NCOR1: variants seen among roughly 807,000 people sequenced by gnomAD.
NCOR1 encodes protein phosphatase 1, regulatory subunit 109.
Under a neutral mutation model 288.1 loss-of-function variants are expected in NCOR1, and 63 were observed. The observed-to-expected ratio is 0.22, with a 90% confidence interval of 0.18 to 0.27. The LOEUF (loss-of-function observed/expected upper bound fraction) is 0.27. NCOR1 is among the 10% of genes least tolerant of loss of function. NCOR1 has a pLI of 1.00. For missense variants in NCOR1, 2,397 were observed against 3,019.2 expected, an observed-to-expected ratio of 0.79 and a Z score of 4.83; for synonymous variants, 1,007 against 1,065.9, an observed-to-expected ratio of 0.94 and a Z score of 1.08.
Position 16,168,864 on chromosome 17 carries a change from G to A in NCOR1, c.435+2939C>T, listed in dbSNP as rs138840545. On this transcript the variant is annotated intron_variant, in intron 4 of 45. Transcript: ENST00000268712. ...CGTGCGCCTGTAGTCCCAGCTACTC[G>A]GGAGGCTGAGGCAGGAGAATTGCTG... 7.6e-4 allele frequency among the ~76,000 whole-genome samples: 116 copies of A among 151,716 alleles called. 2 individuals carry two copies. The East Asian group carries it at 0.019, about 25-fold the overall frequency.
At chr17:16,178,997 G>A (rs989289411) in intron 3 of NCOR1, among the ~76,000 whole-genome samples, 15 of 151,982 alleles carry the variant, frequency 9.9e-5, no homozygotes, top group African/African-American at 3.1e-4. Flanking sequence ...CCAGCTAATC[G>A]GAGGCTGAGG....
At chr17:16,158,356 C>T (rs952466345) in intron 6 of NCOR1, among the ~76,000 whole-genome samples, 1 of 152,162 alleles carries the variant, frequency 6.6e-6, no homozygotes, top group Non-Finnish European at 1.5e-5. Context: ...TTTCCACATG[C>T]AATGACCTAT....
At chr17:16,203,574 G>C (rs2091131340) in intron 1 of NCOR1, among the ~76,000 whole-genome samples, 1 of 152,004 alleles carries the variant, frequency 6.6e-6, no homozygotes. Context: ...CACCCTTTTT[G>C]TTCCTTTATA....
chr17:16,187,662 G>C (rs1209186209), intron 2 of NCOR1, among the ~76,000 whole-genome samples: 1 of 151,884 alleles, frequency 6.6e-6, no homozygotes, highest in African/African-American at 2.4e-5. Flanking sequence ...CCAACACTTT[G>C]GGGAGGCCAA....
At chr17:16,119,546 C>A (rs2153137084) in intron 16 of NCOR1, 61 bp from the exon 17 acceptor site, 3 of 1,122,722 alleles carry the variant, frequency 2.7e-6, no homozygotes, top group South Asian at 2.9e-5. Context: ...TTTATTCAAA[C>A]CAATCATATA....
intron 2 of NCOR1, among the ~76,000 whole-genome samples, chr17:16,193,405 G>A (rs372569857): frequency 1.3e-5 from 2 of 151,734 alleles, no homozygotes; most frequent in Non-Finnish European, 1.5e-5. Context: ...TACTTTTTTC[G>A]TATTTTTAGT....
intron 19 of NCOR1, 102 bp from the exon 20 acceptor site, chr17:16,101,859 T>A: frequency 5.0e-6 from 7 of 1,414,140 alleles, no homozygotes; most frequent in Middle Eastern, 2.1e-4. Flanking sequence ...TTTCAGGTGG[T>A]GATAGAAACC....
chr17:16,045,093 T>C, intron 42 of NCOR1: 1 of 324,792 alleles, frequency 3.1e-6, no homozygotes, highest in Non-Finnish European at 5.8e-6. Context: ...GGGGGATAGT[T>C]AGTACAAGTG....
chr17:16,094,674 C>G (rs1418178311), intron 21 of NCOR1, among the ~76,000 whole-genome samples: 1 of 152,276 alleles, frequency 6.6e-6, no homozygotes, highest in Non-Finnish European at 1.5e-5. Context: ...GCCTGATTCT[C>G]CTGCCTCAGC....
In NCOR1 at chr17:16,194,606, A is replaced by T; in HGVS notation, c.-37T>A. 7.8e-7 allele frequency: 1 copy of T among 1,285,248 alleles called. No individual in the cohort carries two copies. Among genetic ancestry groups the T allele is most frequent in the Admixed American group, 1.9e-5 (1 of 51,674 alleles). The allele number at this position is 1,285,248 out of a possible 1,614,324, so 79.6% of individuals were successfully genotyped here. Reference sequence around the variant, plus strand: ...AAGTCCTCACCAGACTGTGAGATCAATGCCAATAAACAATCATGTTTCTAG... The same window carrying T: ...AAGTCCTCACCAGACTGTGAGATCATTGCCAATAAACAATCATGTTTCTAG... On this transcript the variant is annotated 5_prime_UTR_variant, in exon 2 of 46. The change creates a new upstream start codon in the 5' untranslated region. Coordinates refer to ENST00000268712, the MANE Select transcript of NCOR1 (RefSeq NM_006311.4).
Position 16,071,487 on chromosome 17 carries a change from A to G in NCOR1, c.4074T>C (p.Asp1358=), listed in dbSNP as rs1241771952. Reference sequence around the variant, plus strand: ...TTTTCCGACTTTCCTGAGTTAAAATATCTTGCCTTGGAATCTCATGAATGG... The same window carrying G: ...TTTTCCGACTTTCCTGAGTTAAAATGTCTTGCCTTGGAATCTCATGAATGG... ...GRSIHEIPRQ[D]ILTQESRKTP... is the part of the protein sequence containing the mutation. Residue 1358 remains aspartate (D), a synonymous_variant, in exon 30 of 46, where the codon GAT becomes GAC. Transcript: ENST00000268712. 6 of 1,614,066 alleles carry G rather than the reference A, an allele frequency of 3.7e-6. No homozygotes were observed. The highest frequency in any genetic ancestry group is 5.1e-6 in the Non-Finnish European group (6 of 1,180,040).
At chr17:16,187,698 G>C (rs1027103332) in intron 2 of NCOR1, among the ~76,000 whole-genome samples, 2 of 151,834 alleles carry the variant, frequency 1.3e-5, no homozygotes, top group Non-Finnish European at 2.9e-5. Flanking sequence ...TGACCCCACA[G>C]ATTCAAGACT....
At chr17:16,092,700 T>TA (rs2065616123) in intron 21 of NCOR1, among the ~76,000 whole-genome samples, 7 of 41,526 alleles carry the variant, frequency 1.7e-4, no homozygotes, top group Non-Finnish European at 1.3e-4. Context: ...TATATATTTT[T>TA]TTTTTTTTTT....
chr17:16,128,791 CT>C (rs200781389), intron 14 of NCOR1, among the ~76,000 whole-genome samples: 1,683 of 152,260 alleles, frequency 0.011, 37 homozygotes, highest in African/African-American at 0.038. Context: ...CAACACTTAG[CT>C]TTTTCCTTAA....
intron 14 of NCOR1, among the ~76,000 whole-genome samples, chr17:16,133,530 T>A (rs940176358): frequency 1.1e-4 from 17 of 152,178 alleles, no homozygotes; most frequent in African/African-American, 3.9e-4. Context: ...CAGGGTAAAA[T>A]CAAGGGAGTT....
At chr17:16,060,893 T>C (rs2060484675) in intron 37 of NCOR1, among the ~76,000 whole-genome samples, 1 of 152,252 alleles carries the variant, frequency 6.6e-6, no homozygotes, top group Non-Finnish European at 1.5e-5. Flanking sequence ...ACATTTGCAG[T>C]GTAGCCATCC....
intron 23 of NCOR1, among the ~76,000 whole-genome samples, chr17:16,083,268 G>C (rs918504415): frequency 6.6e-6 from 1 of 151,678 alleles, no homozygotes. Flanking sequence ...CTAGCCACTC[G>C]GAAGGCTGAG....
intron 3 of NCOR1, among the ~76,000 whole-genome samples, chr17:16,182,627 T>C (rs1422473880): frequency 6.6e-6 from 1 of 152,136 alleles, no homozygotes; most frequent in Non-Finnish European, 1.5e-5. Flanking sequence ...GCTAATGTTT[T>C]GTATTTTTAG....
chr17:16,104,212 G>GT lies in NCOR1; in HGVS notation c.2183-2456_2183-2455insA, dbSNP rs200982436. Among the ~76,000 whole-genome samples, 438 of 152,184 alleles carry GT rather than the reference G, an allele frequency of 2.9e-3. 7 individuals are homozygous for GT. The highest frequency in any genetic ancestry group is 0.02 in the Admixed American group (302 of 15,282). On this transcript the variant is annotated intron_variant, in intron 19 of 45. Coordinates refer to ENST00000268712, the MANE Select transcript of NCOR1 (RefSeq NM_006311.4). ...TTAAGTACTAGCCTGGTACACAGTA[G>GT]ACTCAAATACTGGCTGGATTATAAA... is the stretch of plus-strand genomic sequence containing the variant.
Sources: allele counts gnomAD v4.1 joint callset (sites outside exome capture counted in the v4.1 genomes callset), GRCh38; gene constraint gnomAD v4.1.1; transcripts MANE v1.5; gene names NCBI Gene and HGNC (gene_info 2026-07-23, HGNC 2026-07-21).